The following EIF5B variants were observed in gnomAD, a reference collection of about 807,000 sequenced individuals.
The protein encoded by EIF5B is eukaryotic translation initiation factor 5B, also known as eIF-5B.
In EIF5B, 47 loss-of-function variants were observed where a neutral mutation model predicts 147.5. The observed-to-expected ratio is 0.32, with a 90% confidence interval of 0.25 to 0.41. The LOEUF is 0.41. EIF5B is among the 10% of genes least tolerant of loss of function. The pLI is 1.00. For synonymous variants in EIF5B, 455 were observed against 456.2 expected (o/e 1.00, Z 0.03); for missense variants, 1,064 against 1,413.2 (o/e 0.75, Z 3.96).
Position 99,379,093 on chromosome 2 carries a change from T to C in EIF5B, c.1917T>C (p.His639=). The C allele has an allele frequency of 1.2e-6, 2 of 1,607,350 alleles. No homozygotes were observed. The highest frequency in any genetic ancestry group is 1.3e-5 in the African/African-American group (1 of 74,700). Residue 639 remains histidine (H), a synonymous_variant, in exon 11 of 24, where the codon CAT becomes CAC. Transcript: ENST00000289371. ...CCCCTATTATCTGCGTACTTGGGCA[T>C]GTGGACACAGGGAAGACAAAAATTC... ...LRAPIICVLG[H]VDTGKTKILD... is the part of the protein sequence containing the mutation.
At chr2:99,356,260 A>G (rs1674094068) in intron 1 of EIF5B, among the ~76,000 whole-genome samples, 1 of 152,162 alleles carries the variant, frequency 6.6e-6, no homozygotes, top group Non-Finnish European at 1.5e-5. Flanking sequence ...TGTGTTTGTC[A>G]GATTTCTACA....
At chr2:99,340,328 C>G (rs2094256882) in intron 1 of EIF5B, among the ~76,000 whole-genome samples, 1 of 152,138 alleles carries the variant, frequency 6.6e-6, no homozygotes. Context: ...GGGAGAAAGT[C>G]CAATTTTAGG....
chr2:99,384,196 C>CA lies in EIF5B; in HGVS notation c.2271+1286dup, dbSNP rs770493783. Among the ~76,000 whole-genome samples, 99 of 117,456 alleles carry CA rather than the reference C, an allele frequency of 8.4e-4. 4 individuals are homozygous for CA. The highest frequency in any genetic ancestry group is 4.2e-3 in the Middle Eastern group (1 of 236). 77.1% of individuals were successfully genotyped at this position (117,456 alleles called of 152,430 possible). A position where few individuals can be genotyped will look rare whatever the true frequency, so the allele number is the denominator to read the frequency against. On this transcript the variant is annotated intron_variant, in intron 14 of 23. Coordinates refer to ENST00000289371, the MANE Select transcript of EIF5B (RefSeq NM_015904.4). ...TGGGTGACAGAGCGAGACTCCGTCT[C>CA]AAAAAAAAAAAGAATTATGCCAAAT...
At position 99,376,525 on chromosome 2, in the gene EIF5B, G is replaced by C. The variant is rs917932213; in HGVS notation, c.1731G>C (p.Lys577Asn). ...EKVSDEKDSG[K>N]TLDKKPSKEM... ...TGTCAGATGAGAAGGATTCAGGGAA[G>C]ACATTAGATAAAAAGCCAAGTAAAG... Residue 577 changes from lysine (K) to asparagine (N), a missense_variant, in exon 10 of 24, where the codon AAG becomes AAC. By Grantham distance (94) the Lys-to-Asn change is moderately conservative. This residue lies in a region of EIF5B where 195 missense variants were observed against 186.3 expected (regional missense o/e 1.05). Coordinates refer to ENST00000289371, the MANE Select transcript of EIF5B (RefSeq NM_015904.4). 6.2e-7 allele frequency: 1 copy of C among 1,613,894 alleles called. No individual in the cohort carries two copies. Among genetic ancestry groups the C allele is most frequent in the African/African-American group, 1.3e-5 (1 of 74,988 alleles).
At chr2:99,355,412 A>G (rs575021047) in intron 1 of EIF5B, among the ~76,000 whole-genome samples, 5 of 152,248 alleles carry the variant, frequency 3.3e-5, no homozygotes, top group African/African-American at 1.2e-4. Flanking sequence ...GTTGAGTCTT[A>G]TAGCCCATGA....
At chr2:99,338,194 G>GCT (rs1422778352) in intron 1 of EIF5B, 1 of 622,750 alleles carries the variant, frequency 1.6e-6, no homozygotes, top group Non-Finnish European at 2.5e-6. Context: ...TCGTTTCTTT[G>GCT]CTCTCTAGCC....
chr2:99,388,633 A>G (rs1397205626), intron 14 of EIF5B, among the ~76,000 whole-genome samples: 1 of 152,066 alleles, frequency 6.6e-6, no homozygotes, highest in Non-Finnish European at 1.5e-5. Flanking sequence ...GAATTTTTAG[A>G]ATGTTAAACC....
chr2:99,375,233 AT>A, intron 9 of EIF5B, among the ~76,000 whole-genome samples: 1 of 152,086 alleles, frequency 6.6e-6, no homozygotes, highest in East Asian at 1.9e-4. Flanking sequence ...GTGCCTTGCT[AT>A]TTTTATAGCT....
intron 14 of EIF5B, 97 bp from the exon 15 acceptor site, chr2:99,389,621 A>G (rs1454300657): frequency 1.7e-6 from 2 of 1,171,840 alleles, no homozygotes; most frequent in Non-Finnish European, 2.4e-6. Context: ...TGTTCTGTAT[A>G]TATGAGACAC....
At chr2:99,374,019 C>T (rs1021084047) in intron 9 of EIF5B, among the ~76,000 whole-genome samples, 29 of 152,086 alleles carry the variant, frequency 1.9e-4, no homozygotes, top group Admixed American at 1.3e-4. Context: ...CCAGGCATGG[C>T]GGCTCACACC....
At chr2:99,397,948 A>G (rs1382314567) in intron 22 of EIF5B, 1 of 149,784 alleles carries the variant, frequency 6.7e-6, no homozygotes, top group Non-Finnish European at 1.5e-5. Flanking sequence ...TTTTTTTAAT[A>G]TAATCCATTA....
At chr2:99,374,494 G>GT (rs1010001902) in intron 9 of EIF5B, among the ~76,000 whole-genome samples, 4 of 151,928 alleles carry the variant, frequency 2.6e-5, no homozygotes, top group South Asian at 4.1e-4. Context: ...ACACTTTAGA[G>GT]TTTTTTTTAG....
At chr2:99,358,681 C>A (rs923408282) in intron 1 of EIF5B, among the ~76,000 whole-genome samples, 20 of 152,114 alleles carry the variant, frequency 1.3e-4, no homozygotes, top group African/African-American at 4.8e-4. Flanking sequence ...CTTTTGTGAG[C>A]CCTCTTGAGG....
Position 99,400,194 on chromosome 2 carries a change from T to TAGAG in EIF5B, c.*782_*785dup, listed in dbSNP as rs762242149. 1 of 152,108 alleles carries TAGAG rather than the reference T, an allele frequency of 6.6e-6. No individual in the cohort carries two copies. Among genetic ancestry groups the TAGAG allele is most frequent in the Non-Finnish European group, 1.5e-5 (1 of 68,042 alleles). The allele number at this position is 152,108 out of a possible 1,614,324, so 9.4% of individuals were successfully genotyped here. On this transcript the variant is annotated 3_prime_UTR_variant, in exon 24 of 24. Transcript: ENST00000289371. ...CTTGTATGCCAGCACCTGGTAACAG[T>TAGAG]AGAGATTTTTATACATTAATCTTGA...
chr2:99,349,337 C>T (rs2094279343), intron 1 of EIF5B, among the ~76,000 whole-genome samples: 1 of 152,276 alleles, frequency 6.6e-6, no homozygotes, highest in South Asian at 2.1e-4. Context: ...AGTTGAATTT[C>T]CTGTGTTTCT....
At position 99,371,830 on chromosome 2, in the gene EIF5B, A is replaced by G. The variant is rs577893201; in HGVS notation, c.1552+100A>G. 113 of 1,121,930 alleles carry G rather than the reference A, an allele frequency of 1.0e-4. No individual in the cohort carries two copies. In the South Asian group the frequency reaches 2.3e-3, roughly 23 times the overall value. 69.5% of individuals were successfully genotyped at this position (1,121,930 alleles called of 1,614,324 possible). On this transcript the variant is annotated intron_variant, in intron 9 of 23. Coordinates refer to ENST00000289371, the MANE Select transcript of EIF5B (RefSeq NM_015904.4). The stretch of plus-strand genomic sequence containing the variant: ...TCTTTTGATTATGAAAGCCATATGA[A>G]CATTTCTGGGGATAGGGATAAGTCT...
rs1296531865 is a variant in EIF5B, at chr2:99,338,380, A to G, written c.35+791A>G. The G allele has an allele frequency of 3.9e-6, 5 of 1,278,146 alleles. No homozygotes were observed. In the Admixed American group the frequency reaches 1.1e-4, roughly 29 times the overall value. 79.2% of individuals were successfully genotyped at this position (1,278,146 alleles called of 1,614,324 possible). On this transcript the variant is annotated intron_variant, in intron 1 of 23. Coordinates refer to ENST00000289371, the MANE Select transcript of EIF5B (RefSeq NM_015904.4). Reference sequence around the variant, plus strand: ...TTGAGTTCTGTTACTCATGATGGAAAGAGTTGACTTCCTGGGAGTGAACAA... The same window carrying G: ...TTGAGTTCTGTTACTCATGATGGAAGGAGTTGACTTCCTGGGAGTGAACAA...
At chr2:99,394,096 C>T (rs1215444381) in intron 18 of EIF5B, among the ~76,000 whole-genome samples, 171 bp from the exon 19 acceptor site, 2 of 152,202 alleles carry the variant, frequency 1.3e-5, no homozygotes, top group Non-Finnish European at 2.9e-5. Flanking sequence ...GGTATGGCCC[C>T]GAAATCTCCT....
At chr2:99,369,627 T>C in intron 8 of EIF5B, 146 bp downstream of exon 8, 1 of 560,574 alleles carries the variant, frequency 1.8e-6, no homozygotes, top group Non-Finnish European at 3.0e-6. Context: ...AGTTCTTTCT[T>C]TTCTATTTCT....
Sources: allele counts gnomAD v4.1 joint callset (sites outside exome capture counted in the v4.1 genomes callset), GRCh38; gene constraint gnomAD v4.1.1; regional missense constraint gnomAD v4.1.1; transcripts MANE v1.5; gene names NCBI Gene and HGNC (gene_info 2026-07-23, HGNC 2026-07-21).